The following CAST variants were observed in gnomAD, a reference collection of about 807,000 sequenced individuals.
CAST encodes MIR583 host.
CAST carries 76 observed loss-of-function variants against 119.6 expected under a neutral mutation model. The ratio of observed to expected loss-of-function variants is 0.64; its 90% CI spans 0.53 to 0.77. The LOEUF is 0.77. Among genes scored for constraint, CAST ranks in the 30% least tolerant of loss-of-function variants. The pLI is 0.00. For missense variants in CAST, 953 were observed against 946.5 expected (o/e 1.01, Z -0.09); for synonymous variants, 319 against 331.6 (o/e 0.96, Z 0.41).
chr5:96,513,806 A>G, the CAST span, among the ~76,000 whole-genome samples: 1 of 152,200 alleles, frequency 6.6e-6, no homozygotes, highest in African/African-American at 2.4e-5. Flanking sequence ...GCAGCTTAAA[A>G]TAACAGATAT....
the CAST span, among the ~76,000 whole-genome samples, chr5:96,274,577 T>C: frequency 6.6e-6 from 1 of 152,244 alleles, no homozygotes; most frequent in Non-Finnish European, 1.5e-5. Flanking sequence ...TGTGTCACTA[T>C]TAAAGTTGCC....
At chr5:96,106,825 T>G in the CAST span, among the ~76,000 whole-genome samples, 4 of 145,252 alleles carry the variant, frequency 2.8e-5, no homozygotes, top group East Asian at 8.0e-4. Flanking sequence ...CAGTGGGGTG[T>G]TAAAGTCTCC....
chr5:96,307,870 T>C, the CAST span, among the ~76,000 whole-genome samples: 1 of 152,222 alleles, frequency 6.6e-6, no homozygotes, highest in African/African-American at 2.4e-5. Context: ...CCTTTCTCTC[T>C]GACTGCCCTT....
chr5:96,294,653 C>T, the CAST span, among the ~76,000 whole-genome samples: 1 of 152,188 alleles, frequency 6.6e-6, no homozygotes, highest in African/African-American at 2.4e-5. Context: ...TTGCAAGTGT[C>T]CAAACCTAAG....
At chr5:96,181,461 G>A in the CAST span, among the ~76,000 whole-genome samples, 1 of 152,130 alleles carries the variant, frequency 6.6e-6, no homozygotes, top group Non-Finnish European at 1.5e-5. Flanking sequence ...AAATGGTCTT[G>A]GAGAGCCACA....
intron 1 of CAST, among the ~76,000 whole-genome samples, chr5:96,642,926 C>T (rs2150203641): frequency 6.6e-6 from 1 of 152,262 alleles, no homozygotes; most frequent in East Asian, 1.9e-4. Flanking sequence ...ATCCTTCTAA[C>T]ACCCTTATGA....
At chr5:96,580,130 T>G (rs1746744943) in intron 1 of CAST, among the ~76,000 whole-genome samples, 1 of 152,224 alleles carries the variant, frequency 6.6e-6, no homozygotes, top group Admixed American at 6.5e-5. Context: ...TTAACTGGAT[T>G]TAATATGTCC....
At position 96,710,135 on chromosome 5, in the gene CAST, C is replaced by A. The variant is rs573153496; in HGVS notation, c.211-12504C>A. Among the ~76,000 whole-genome samples, 3 of 152,244 alleles carry A rather than the reference C, an allele frequency of 2.0e-5. No individual in the cohort carries two copies. In the East Asian group the frequency reaches 5.8e-4, roughly 29 times the overall value. On this transcript the variant is annotated intron_variant, in intron 3 of 31. Coordinates refer to ENST00000675179, the MANE Select transcript of CAST (RefSeq NM_001750.7). ...GGGAACATTTAGGTTCTTCAGTAAC[C>A]TAGGCTAGCAATATTAGCATCAAAA...
chr5:96,614,090 C>A (rs1264803369), intron 1 of CAST, among the ~76,000 whole-genome samples: 3 of 152,150 alleles, frequency 2.0e-5, no homozygotes, highest in Non-Finnish European at 4.4e-5. Context: ...CCAGGTAATA[C>A]AAATGCTGCC....
At chr5:96,116,141 G>T in the CAST span, among the ~76,000 whole-genome samples, 2 of 151,908 alleles carry the variant, frequency 1.3e-5, no homozygotes, top group African/African-American at 4.8e-5. Context: ...CCATTGATTT[G>T]CTTTCTGTCA....
Position 96,646,759 on chromosome 5 carries a change from CTAT to C in CAST, c.61-28776_61-28774del, listed in dbSNP as rs537343980. 1.3e-4 allele frequency among the ~76,000 whole-genome samples: 20 copies of C among 152,168 alleles called. 1 individual carries two copies. The South Asian group carries it at 4.1e-3, about 32-fold the overall frequency. ...TGTTTTAAACACAGCATTTCTTTGT[CTAT>C]TATAATTTTAGATATCCAATAAAAA... On this transcript the variant is annotated intron_variant, in intron 1 of 11. Transcript: ENST00000505143.
upstream of CAST, among the ~76,000 whole-genome samples, chr5:96,529,439 A>G (rs1368887175): frequency 6.6e-6 from 1 of 152,090 alleles, no homozygotes; most frequent in Non-Finnish European, 1.5e-5. Flanking sequence ...ATAGATAAAA[A>G]TTGTACATTT....
chr5:96,407,802 T>A, the CAST span, among the ~76,000 whole-genome samples: 1 of 152,246 alleles, frequency 6.6e-6, no homozygotes, highest in Non-Finnish European at 1.5e-5. Flanking sequence ...AGGAGTTTTT[T>A]AAACTTGTTC....
chr5:96,413,569 G>A, the CAST span, among the ~76,000 whole-genome samples: 1 of 152,140 alleles, frequency 6.6e-6, no homozygotes, highest in East Asian at 1.9e-4. Context: ...GGAGGCCGAG[G>A]TGGGTGGATC....
At chr5:96,666,058 G>T (rs1310412856) in intron 1 of CAST, among the ~76,000 whole-genome samples, 2 of 152,124 alleles carry the variant, frequency 1.3e-5, no homozygotes, top group African/African-American at 4.8e-5. Context: ...AATCCTTTAA[G>T]TACTGAAAAG....
the CAST span, among the ~76,000 whole-genome samples, chr5:96,098,399 T>G: frequency 2.4e-4 from 37 of 152,250 alleles, no homozygotes; most frequent in Admixed American, 6.5e-4. Flanking sequence ...TCTTTGCCCG[T>G]GCCTATGTCC....
the CAST span, among the ~76,000 whole-genome samples, chr5:96,117,631 AG>A: frequency 6.6e-6 from 1 of 152,206 alleles, no homozygotes; most frequent in African/African-American, 2.4e-5. Flanking sequence ...ATATGTTTGA[AG>A]CAAAGTTAAC....
chr5:96,426,567 A>G, the CAST span, among the ~76,000 whole-genome samples: 11 of 152,180 alleles, frequency 7.2e-5, no homozygotes, highest in Admixed American at 2.6e-4. Flanking sequence ...ATGCAAAGAG[A>G]TCTGACAATA....
At chr5:96,663,065 C>T (rs1406770477) in intron 1 of CAST, 3 of 700,832 alleles carry the variant, frequency 4.3e-6, no homozygotes, top group African/African-American at 1.7e-5. Flanking sequence ...GTGAGCCCGG[C>T]GCCTCCAACG....
Sources: gnomAD v4.1 joint callset for allele counts (sites outside exome capture counted in the v4.1 genomes callset) on GRCh38, gnomAD v4.1.1 for gene constraint, MANE v1.5 for transcripts, NCBI Gene and HGNC (gene_info 2026-07-23, HGNC 2026-07-21) for gene names.